Variants in WWOX observed in about 807,000 individuals in gnomAD.
The protein encoded by WWOX is WW domain containing oxidoreductase.
Under a neutral mutation model 46.2 loss-of-function variants are expected in WWOX, and 69 were observed. The observed-to-expected ratio is 1.49, with a 90% CI of 1.23 to 1.82. WWOX has a LOEUF of 1.82. WWOX is among the 40% of genes most tolerant of loss of function. The pLI is 0.00. For synonymous variants in WWOX, 359 were observed against 202.6 expected (o/e 1.77, Z -6.56); for missense variants, 919 against 542.6 (o/e 1.69, Z -6.89).
intron 4 of WWOX, among the ~76,000 whole-genome samples, chr16:78,120,141 C>T (rs2033014195): frequency 6.6e-6 from 1 of 152,120 alleles, no homozygotes; most frequent in African/African-American, 2.4e-5. Context: ...CACAAAATCA[C>T]CTCTCTAACG....
At chr16:78,375,253 C>G (rs1285386425) in intron 5 of WWOX, among the ~76,000 whole-genome samples, 1 of 152,262 alleles carries the variant, frequency 6.6e-6, no homozygotes, top group Admixed American at 6.5e-5. Context: ...ATACCAAGCA[C>G]ATATCCGTCA....
intron 4 of WWOX, among the ~76,000 whole-genome samples, chr16:78,161,213 A>G (rs923815444): frequency 2.0e-5 from 3 of 152,078 alleles, no homozygotes; most frequent in African/African-American, 7.2e-5. Flanking sequence ...CAGTATATGT[A>G]TATTTATGTT....
chr16:78,641,278 G>A (rs1032653095), intron 8 of WWOX, among the ~76,000 whole-genome samples: 3 of 151,816 alleles, frequency 2.0e-5, no homozygotes, highest in East Asian at 1.9e-4. Flanking sequence ...CCCCCAGACC[G>A]GAGCCACAAT....
intron 7 of WWOX, among the ~76,000 whole-genome samples, chr16:78,431,346 T>C (rs767075778): frequency 1.3e-5 from 2 of 152,218 alleles, no homozygotes; most frequent in Non-Finnish European, 2.9e-5. Context: ...TCACCAAGGT[T>C]ATAACCCCTT....
chr16:78,355,889 A>G (rs1162081162), intron 5 of WWOX: 2 of 469,870 alleles, frequency 4.3e-6, no homozygotes, highest in East Asian at 4.3e-5. Context: ...TGGCCTCTCT[A>G]AATGTGCAAG....
At chr16:78,874,609 A>G (rs780055536) in intron 8 of WWOX, among the ~76,000 whole-genome samples, 4 of 152,022 alleles carry the variant, frequency 2.6e-5, no homozygotes, top group Non-Finnish European at 5.9e-5. Flanking sequence ...CAAGTGACTT[A>G]AAGACATGTT....
At chr16:78,442,182 G>A (rs1376887325) in intron 8 of WWOX, among the ~76,000 whole-genome samples, 1 of 151,936 alleles carries the variant, frequency 6.6e-6, no homozygotes, top group Non-Finnish European at 1.5e-5. Context: ...GAAATGTGAT[G>A]TTTTGATATT....
intron 8 of WWOX, among the ~76,000 whole-genome samples, chr16:78,765,024 C>T (rs568142591): frequency 1.2e-4 from 18 of 152,270 alleles, no homozygotes; most frequent in African/African-American, 4.3e-4. Flanking sequence ...AGGACAAGAA[C>T]CCAGATCCCT....
chr16:79,007,095 C>T (rs530483977), intron 8 of WWOX, among the ~76,000 whole-genome samples: 59 of 152,222 alleles, frequency 3.9e-4, no homozygotes, highest in African/African-American at 1.3e-3. Context: ...GGCGCTATGC[C>T]AAGCAGAGAG....
At position 78,817,172 on chromosome 16, in the gene WWOX, CTTTTTTTTTTTT is replaced by C. The variant is rs33981779; in HGVS notation, c.1056+384436_1056+384447del. Among the ~76,000 whole-genome samples the C allele has an allele frequency of 5.2e-4, 27 of 51,582 alleles. No homozygotes were observed. The South Asian group carries it at 0.015, about 28-fold the overall frequency. The allele number at this position is 51,582 out of a possible 152,430, so 33.8% of individuals were successfully genotyped here. On this transcript the variant is annotated intron_variant, in intron 8 of 8. Transcript: ENST00000566780. ...GTTTTTCTTAAACATTAGTGCTATT[CTTTTTTTTTTTT>C]TTTTTTTTTTTTTTTCCTTCTTCAA...
intron 8 of WWOX, among the ~76,000 whole-genome samples, chr16:78,569,039 T>C (rs2044647844): frequency 6.6e-6 from 1 of 152,216 alleles, no homozygotes; most frequent in Non-Finnish European, 1.5e-5. Flanking sequence ...TGGAGGCACC[T>C]GGGTGTCAGC....
chr16:78,520,176 G>C (rs1200074464), intron 8 of WWOX, among the ~76,000 whole-genome samples: 1 of 152,208 alleles, frequency 6.6e-6, no homozygotes, highest in African/African-American at 2.4e-5. Flanking sequence ...CCTATGGGAT[G>C]AGTTCCCAGG....
intron 8 of WWOX, among the ~76,000 whole-genome samples, chr16:78,658,280 A>G (rs2047126451): frequency 6.6e-6 from 1 of 152,228 alleles, no homozygotes; most frequent in South Asian, 2.1e-4. Flanking sequence ...AAAGTAATGA[A>G]CAAGAAAGTA....
rs192106015 is a variant in WWOX at position 78,505,111 on chromosome 16, G to A, written c.1056+72359G>A. Among the ~76,000 whole-genome samples, 380 of 152,170 alleles carry A rather than the reference G, an allele frequency of 2.5e-3. 2 individuals are homozygous for A. The highest frequency in any genetic ancestry group is 8.7e-3 in the African/African-American group (363 of 41,522). On this transcript the variant is annotated intron_variant, in intron 8 of 8. Transcript: ENST00000566780. Reference sequence around the variant, plus strand: ...GCCGAAGCACAATAGGGTTTAGAGCGTTCACACCAGGCAGCCCCCACTCTT... The same window carrying A: ...GCCGAAGCACAATAGGGTTTAGAGCATTCACACCAGGCAGCCCCCACTCTT...
chr16:78,561,173 AC>A (rs2044426028), intron 8 of WWOX, among the ~76,000 whole-genome samples: 1 of 152,102 alleles, frequency 6.6e-6, no homozygotes. Flanking sequence ...CCCAGAGGCA[AC>A]CCACATTCCT....
At chr16:78,856,559 C>T (rs1404029385) in intron 8 of WWOX, among the ~76,000 whole-genome samples, 1 of 152,124 alleles carries the variant, frequency 6.6e-6, no homozygotes, top group Admixed American at 6.5e-5. Context: ...AGGAGAATCC[C>T]TTGAACCCAG....
At chr16:78,118,041 C>T (rs2032894158) in intron 4 of WWOX, among the ~76,000 whole-genome samples, 2 of 142,760 alleles carry the variant, frequency 1.4e-5, no homozygotes, top group East Asian at 4.2e-4. Flanking sequence ...TTCTTTCTTT[C>T]TTTCTTTTTT....
At chr16:78,963,053 TTGTAC>T (rs1357444787) in intron 8 of WWOX, among the ~76,000 whole-genome samples, 2 of 152,250 alleles carry the variant, frequency 1.3e-5, no homozygotes, top group Non-Finnish European at 2.9e-5. Context: ...GTTGAAAGAA[TTGTAC>T]TGTAAGTACT....
chr16:78,971,934 C>G (rs1034140788), intron 8 of WWOX, among the ~76,000 whole-genome samples: 4 of 152,150 alleles, frequency 2.6e-5, no homozygotes, highest in Admixed American at 6.5e-5. Flanking sequence ...GAGGATCCAT[C>G]GGGAGCCTCA....
Sources: allele counts gnomAD v4.1 joint callset (sites outside exome capture counted in the v4.1 genomes callset), GRCh38; gene constraint gnomAD v4.1.1; transcripts MANE v1.5; gene names NCBI Gene and HGNC (gene_info 2026-07-23, HGNC 2026-07-21).